The following MISP variants were observed in gnomAD, a reference collection of about 807,000 sequenced individuals.
MISP encodes mitotic spindle positioning.
A neutral mutation model predicts 49.3 loss-of-function variants in MISP; 51 were observed. The observed-to-expected ratio is 1.03, with a 90% confidence interval of 0.83 to 1.31. The LOEUF (loss-of-function observed/expected upper bound fraction) is 1.31, where lower values mean the gene tolerates loss of function less well. MISP is among the 50% of genes most tolerant of loss of function. MISP has a pLI of 0.00. For synonymous variants in MISP, 444 were observed against 392.6 expected (o/e 1.13, Z -1.55); for missense variants, 1,084 against 935.1 (o/e 1.16, Z -2.08).
Position 758,432 on chromosome 19 carries a change from A to G in MISP, c.1486A>G (p.Arg496Gly), listed in dbSNP as rs1468355137. Residue 496 changes from arginine to glycine, a missense_variant, in exon 2 of 5, where the codon AGG (arginine) becomes GGG (glycine). Arg to Gly is a moderately radical substitution (Grantham distance 125). Transcript: ENST00000215582. Reference protein sequence around the residue: ...KPPRGCPQANRGVVRWEYFRL... With the variant: ...KPPRGCPQANGGVVRWEYFRL... ...CCCTCGGGGATGCCCGCAAGCCAAC[A>G]GGGGTGTCGTGCGGTGGGAGTACTT... 6.2e-7 allele frequency: 1 copy of G among 1,614,162 alleles called. No individual in the cohort carries two copies. The highest frequency in any genetic ancestry group is 8.5e-7 in the Non-Finnish European group (1 of 1,180,018).
chr19:763,450 T>TG lies in MISP; in HGVS notation c.1951-46dup, dbSNP rs747538902. ...GAATTGGCAGTTGGAGGAGACATCT[T>TG]GGGGGTGTGGTAGGACCTGGATCGG... On this transcript the variant is annotated intron_variant, in intron 4 of 4. Transcript: ENST00000215582. The TG allele has an allele frequency of 3.0e-6, 4 of 1,344,464 alleles. No individual in the cohort carries two copies. In the African/African-American group the frequency reaches 5.8e-5, roughly 19 times the overall value. The allele number at this position is 1,344,464 out of a possible 1,614,324, so 83.3% of individuals were successfully genotyped here. A position where few individuals can be genotyped will look rare whatever the true frequency, so the allele number is the denominator to read the frequency against.
rs1247036400 is a variant in MISP at position 758,486 on chromosome 19, C to T, written c.1540C>T (p.Pro514Ser). Reference protein sequence around the residue: ...FRLRPLRFRAPDEPQQAQVPH... With the variant: ...FRLRPLRFRASDEPQQAQVPH... ...CCTGCGTCCTCTGCGGTTCAGGGCC[C>T]CAGACGAGCCCCAGCAGGCCCAAGT... Residue 514 changes from proline (P) to serine (S), a missense_variant, in exon 2 of 5, where the codon CCA becomes TCA. Pro to Ser is a moderately conservative substitution (Grantham distance 74, BLOSUM62 -1). Coordinates refer to ENST00000215582, the MANE Select transcript of MISP (RefSeq NM_173481.4). 2 of 1,614,102 alleles carry T rather than the reference C, an allele frequency of 1.2e-6. No homozygotes were observed. Among genetic ancestry groups the T allele is most frequent in the East Asian group, 2.2e-5 (1 of 44,884 alleles).
chr19:757,469 C>G lies in MISP; in HGVS notation c.523C>G (p.Pro175Ala), dbSNP rs763267363. 6.9e-6 allele frequency: 11 copies of G among 1,594,200 alleles called. No homozygotes were observed. The South Asian group carries it at 1.1e-4, about 16-fold the overall frequency. The stretch of plus-strand genomic sequence containing the variant: ...CCACGGAGACCCCAGGACCCCCGGC[C>G]CACCTCGGTCCACGCCCCTGGAGGA... ...PDHGDPRTPG[P>A]PRSTPLEENV... Residue 175 changes from proline (P) to alanine (A), a missense_variant, in exon 2 of 5, where the codon CCA becomes GCA. Physicochemically the swap from Pro to Ala is conservative, Grantham distance 27. Transcript: ENST00000215582.
chr19:758,679 C>T lies in MISP; in HGVS notation c.1733C>T (p.Pro578Leu). The change falls in exon 2 of 5, where the codon CCA becomes CTA. Residue 578 changes from proline (P) to leucine (L), a missense_variant. Physicochemically the swap from Pro to Leu is moderately conservative, Grantham distance 98. Coordinates refer to ENST00000215582, the MANE Select transcript of MISP (RefSeq NM_173481.4). ...TTCCCAGAGGTCTTCTCCCCAACGC[C>T]AGATGAGAACTCTGACCAGAACTCC... is the stretch of plus-strand genomic sequence containing the variant. ...ALFPEVFSPT[P>L]DENSDQNSRS... 1 of 1,614,184 alleles carries T rather than the reference C, an allele frequency of 6.2e-7. No homozygotes were observed. Among genetic ancestry groups the T allele is most frequent in the Non-Finnish European group, 8.5e-7 (1 of 1,180,024 alleles).
chr19:758,601 A>C lies in MISP; in HGVS notation c.1655A>C (p.Glu552Ala). ...QSSDLLERERESVLRREQEVA... is the reference protein window; with the variant it reads ...QSSDLLERERASVLRREQEVA... ...TCTGATCTGCTGGAAAGGGAGAGGG[A>C]GAGTGTCCTGCGCCGGGAGCAAGAG... The change falls in exon 2 of 5, where the codon GAG becomes GCG. Residue 552 changes from glutamate (E) to alanine (A), a missense_variant. Glu to Ala is a moderately radical substitution (Grantham distance 107, BLOSUM62 -1). Transcript: ENST00000215582. 1.9e-6 allele frequency: 3 copies of C among 1,614,168 alleles called. No homozygotes were observed. Among genetic ancestry groups the C allele is most frequent in the Non-Finnish European group, 2.5e-6 (3 of 1,180,012 alleles).
chr19:762,109 G>A (rs1307576350), intron 4 of MISP, among the ~76,000 whole-genome samples: 52 of 111,712 alleles, frequency 4.7e-4, no homozygotes, highest in African/African-American at 1.7e-3. Flanking sequence ...CACCACGCCC[G>A]GCTATTTTTT....
rs201071898 is a variant in MISP, at chr19:758,166, C to T, written c.1220C>T (p.Ala407Val). 218 of 1,612,334 alleles carry T rather than the reference C, an allele frequency of 1.4e-4. No individual in the cohort carries two copies. The highest frequency in any genetic ancestry group is 2.8e-4 in the African/African-American group (21 of 74,976). ...CTCAGCCCGGCCCCAGATGCCCGTG[C>T]GGCCGACCCAGCTCCAGAAGTGAGG... is the stretch of plus-strand genomic sequence containing the variant. ...SILSPAPDAR[A>V]ADPAPEVRKV... is the part of the protein sequence containing the mutation. Residue 407 changes from alanine (A) to valine (V), a missense_variant, in exon 2 of 5, where the codon GCG becomes GTG. By Grantham distance (64) the Ala-to-Val change is moderately conservative. Transcript: ENST00000215582.
At chr19:760,087 C>G in intron 3 of MISP, 48 bp downstream of exon 3, 1 of 1,607,924 alleles carries the variant, frequency 6.2e-7, no homozygotes, top group Non-Finnish European at 8.5e-7. Flanking sequence ...GGTCAGACAG[C>G]CCCTATTAGG....
At chr19:760,246 TA>T (rs2033651308) in intron 3 of MISP, among the ~76,000 whole-genome samples, 1 of 151,638 alleles carries the variant, frequency 6.6e-6, no homozygotes, top group African/African-American at 2.4e-5. Context: ...GGAGAGGCCA[TA>T]TAAGCTGGGG....
At chr19:760,748 G>A (rs1025689411) in intron 3 of MISP, among the ~76,000 whole-genome samples, 4 of 151,838 alleles carry the variant, frequency 2.6e-5, no homozygotes, top group Admixed American at 6.6e-5. Context: ...GGAACAAAGC[G>A]AGGAAGGAAG....
intron 1 of MISP, among the ~76,000 whole-genome samples, chr19:752,186 G>T (rs183444548): frequency 1.4e-4 from 22 of 152,302 alleles, no homozygotes; most frequent in African/African-American, 5.1e-4. Flanking sequence ...CCAAGGTGTT[G>T]CAGGAAGAGT....
In MISP at chr19:759,616, G is replaced by A. The variant is rs547724940; in HGVS notation, c.1781-293G>A. On this transcript the variant is annotated intron_variant, in intron 2 of 4. Coordinates refer to ENST00000215582, the MANE Select transcript of MISP (RefSeq NM_173481.4). The stretch of plus-strand genomic sequence containing the variant: ...GGGGTTTCACCGTGTTAGCCAGGAC[G>A]GTCTCGATCTCCTGACCTCGTGATC... 2.5e-3 allele frequency among the ~76,000 whole-genome samples: 375 copies of A among 151,314 alleles called. 6 individuals carry two copies. Among genetic ancestry groups the A allele is most frequent in the African/African-American group, 8.3e-3 (342 of 41,226 alleles).
chr19:753,260 G>C (rs999220546), intron 1 of MISP, among the ~76,000 whole-genome samples: 1 of 152,218 alleles, frequency 6.6e-6, no homozygotes, highest in African/African-American at 2.4e-5. Flanking sequence ...CATTTGATAC[G>C]CGCGGAAGAT....
At chr19:752,966 C>T (rs1453387429) in intron 1 of MISP, among the ~76,000 whole-genome samples, 2 of 152,204 alleles carry the variant, frequency 1.3e-5, no homozygotes, top group Non-Finnish European at 2.9e-5. Context: ...GTGGTGTTTG[C>T]CCAGCCAGTA....
At position 758,130 on chromosome 19, in the gene MISP, C is replaced by T. The variant is rs1184620314; in HGVS notation, c.1184C>T (p.Ser395Leu). Residue 395 changes from serine to leucine, a missense_variant, in exon 2 of 5, where the codon TCA becomes TTA. Coordinates refer to ENST00000215582, the MANE Select transcript of MISP (RefSeq NM_173481.4). ...PQPGLRRALS[S>L]DSILSPAPDA... ...CCCGGACTCCGGAGAGCCCTCAGCT[C>T]AGATTCCATCCTCAGCCCGGCCCCA... The T allele has an allele frequency of 6.2e-7, 1 of 1,610,512 alleles. No homozygotes were observed. Among genetic ancestry groups the T allele is most frequent in the African/African-American group, 1.3e-5 (1 of 75,004 alleles).
chr19:756,807 C>T, intron 1 of MISP, 83 bp from the exon 2 acceptor site: 1 of 693,574 alleles, frequency 1.4e-6, no homozygotes, highest in Non-Finnish European at 2.4e-6. Context: ...TTTGATGGAC[C>T]CTTTGCCCTT....
intron 1 of MISP, among the ~76,000 whole-genome samples, chr19:755,142 T>C (rs1418366909): frequency 6.6e-6 from 1 of 152,056 alleles, no homozygotes; most frequent in Non-Finnish European, 1.5e-5. Flanking sequence ...GTGTGAGAAC[T>C]GTGCCCTGCA....
Position 757,640 on chromosome 19 carries a change from A to G in MISP, c.694A>G (p.Lys232Glu). ...AACCCCAGGGGCCAGCCAGGCCCCC[A>G]AGGCCTTCAACAAGCCCCACCTGGC... is the stretch of plus-strand genomic sequence containing the variant. Reference protein sequence around the residue: ...GTTPGASQAPKAFNKPHLANG... With the variant: ...GTTPGASQAPEAFNKPHLANG... Residue 232 changes from lysine (K) to glutamate (E), a missense_variant, in exon 2 of 5, where the codon AAG becomes GAG. Transcript: ENST00000215582. 6.2e-7 allele frequency: 1 copy of G among 1,612,990 alleles called. No individual in the cohort carries two copies. The highest frequency in any genetic ancestry group is 1.7e-5 in the Admixed American group (1 of 59,856).
At chr19:749,367 C>T (rs2033424071), upstream of MISP, among the ~76,000 whole-genome samples, 1 of 152,316 alleles carries the variant, frequency 6.6e-6, no homozygotes. Context: ...TTAAGCTTTC[C>T]GTACCTCCGT....
Sources: allele counts gnomAD v4.1 joint callset (sites outside exome capture counted in the v4.1 genomes callset), GRCh38; gene constraint gnomAD v4.1.1; transcripts MANE v1.5; gene names NCBI Gene and HGNC (gene_info 2026-07-23, HGNC 2026-07-21).